The following RCL1 variants were observed in gnomAD, a reference collection of about 807,000 sequenced individuals.
RCL1 encodes the protein RNA terminal phosphate cyclase like 1.
RCL1 carries 24 observed loss-of-function variants against 42.4 expected under a neutral mutation model. The observed-to-expected ratio is 0.57, with a 90% CI of 0.41 to 0.80. RCL1 has a LOEUF of 0.80. RCL1 is among the 30% of genes least tolerant of loss of function. The pLI is 0.00. For synonymous variants in RCL1, 228 were observed against 177.3 expected (o/e 1.29, Z -2.27); for missense variants, 578 against 467.9 (o/e 1.24, Z -2.17).
intron 1 of RCL1, among the ~76,000 whole-genome samples, chr9:4,818,472 C>G (rs905452980): frequency 6.6e-6 from 1 of 152,026 alleles, no homozygotes; most frequent in South Asian, 2.1e-4. Flanking sequence ...TTAATTTATT[C>G]CAAGAATTGA....
intron 1 of RCL1, among the ~76,000 whole-genome samples, chr9:4,794,416 A>G (rs1374583395): frequency 1.3e-5 from 2 of 152,172 alleles, no homozygotes; most frequent in African/African-American, 4.8e-5. Flanking sequence ...CTGCTCAAAA[A>G]CACTGAGAAA....
chr9:4,793,270 A>AG (rs1842860151), intron 1 of RCL1, 43 bp downstream of exon 1: 6 of 1,545,154 alleles, frequency 3.9e-6, no homozygotes, highest in Non-Finnish European at 5.2e-6. Context: ...GCGGGGGCTG[A>AG]GGGGAGACCG....
At chr9:4,822,786 A>C (rs193020981) in intron 1 of RCL1, among the ~76,000 whole-genome samples, 1 of 152,138 alleles carries the variant, frequency 6.6e-6, no homozygotes, top group Admixed American at 6.5e-5. Flanking sequence ...ACGCCACTAT[A>C]CTCCAGTTTG....
intron 2 of RCL1, among the ~76,000 whole-genome samples, chr9:4,826,149 G>A (rs1816756151): frequency 6.6e-6 from 1 of 152,116 alleles, no homozygotes; most frequent in Non-Finnish European, 1.5e-5. Flanking sequence ...TCTGGAGGCT[G>A]AGATGGGAGG....
intron 6 of RCL1, among the ~76,000 whole-genome samples, chr9:4,842,398 C>G (rs1387219345): frequency 6.6e-6 from 1 of 152,028 alleles, no homozygotes; most frequent in Non-Finnish European, 1.5e-5. Context: ...TTATAAGGCC[C>G]AATGGAAAGA....
rs1245324599 is a variant in RCL1, at chr9:4,860,181, C to T, written c.1028C>T (p.Thr343Ile). ...SFFQIMFKIE[T>I]KPCGEELKGG... The stretch of plus-strand genomic sequence containing the variant: ...TTCCAGATTATGTTTAAAATTGAAA[C>T]CAAGCCATGTGGTGAAGAACTCAAG... Residue 343 changes from threonine (T) to isoleucine (I), a missense_variant, in exon 9 of 9, where the codon ACC becomes ATC. Physicochemically the swap from Thr to Ile is moderately conservative, Grantham distance 89 (BLOSUM62 -1). Transcript: ENST00000381750. The T allele has an allele frequency of 2.5e-6, 4 of 1,609,552 alleles. No individual in the cohort carries two copies. Among genetic ancestry groups the T allele is most frequent in the African/African-American group, 1.3e-5 (1 of 74,676 alleles).
chr9:4,806,118 G>GC (rs1554636286), intron 1 of RCL1, among the ~76,000 whole-genome samples: 4 of 148,342 alleles, frequency 2.7e-5, no homozygotes, highest in Non-Finnish European at 6.0e-5. Flanking sequence ...TATTTAGGAG[G>GC]TTTTTTTTTC....
intron 4 of RCL1, among the ~76,000 whole-genome samples, chr9:4,833,575 T>A (rs961380798): frequency 6.6e-6 from 1 of 152,216 alleles, no homozygotes; most frequent in Non-Finnish European, 1.5e-5. Flanking sequence ...CTGATCTAAA[T>A]GATCTGGATA....
chr9:4,825,970 C>A (rs1816746520), intron 2 of RCL1, among the ~76,000 whole-genome samples: 1 of 151,776 alleles, frequency 6.6e-6, no homozygotes, highest in Non-Finnish European at 1.5e-5. Context: ...TAGCATGTGC[C>A]TAGGGTCTCA....
chr9:4,833,715 C>T (rs1199694678), intron 4 of RCL1, among the ~76,000 whole-genome samples: 1 of 152,204 alleles, frequency 6.6e-6, no homozygotes, highest in Non-Finnish European at 1.5e-5. Context: ...AACCGTTTAG[C>T]ATCTCTGCCT....
chr9:4,806,219 C>T (rs371690787), intron 1 of RCL1, among the ~76,000 whole-genome samples: 10 of 151,688 alleles, frequency 6.6e-5, no homozygotes, highest in East Asian at 1.9e-4. Context: ...TTGATATGTA[C>T]GCCTTTTATT....
intron 1 of RCL1, among the ~76,000 whole-genome samples, chr9:4,809,746 CT>C (rs1227672872): frequency 5.3e-5 from 8 of 152,162 alleles, no homozygotes; most frequent in Non-Finnish European, 8.8e-5. Context: ...TCTTCTTTTA[CT>C]TTTTTTCTTG....
intron 3 of RCL1, among the ~76,000 whole-genome samples, chr9:4,830,300 T>C (rs1310045589): frequency 2.0e-5 from 3 of 152,188 alleles, no homozygotes; most frequent in Non-Finnish European, 4.4e-5. Flanking sequence ...GTTGGGATTT[T>C]TTTTAGACTA....
intron 1 of RCL1, 79 bp from the exon 2 acceptor site, chr9:4,823,469 G>C: frequency 9.1e-7 from 1 of 1,093,506 alleles, no homozygotes. Context: ...ACCTGAATCA[G>C]GCATGTGCTC....
At chr9:4,814,328 C>T (rs572400004) in intron 1 of RCL1, among the ~76,000 whole-genome samples, 9 of 152,020 alleles carry the variant, frequency 5.9e-5, no homozygotes, top group Admixed American at 1.3e-4. Flanking sequence ...TTGTTGCCCA[C>T]GCTGAAGTGC....
chr9:4,829,309 A>G lies in RCL1; in HGVS notation c.384+2276A>G, dbSNP rs577149776. ...TGGGCATTATGGAGATGGAAGGAGAACGGAAGGGGCAGATAGGACAACTAA... is the reference window on the plus strand; with the variant it reads ...TGGGCATTATGGAGATGGAAGGAGAGCGGAAGGGGCAGATAGGACAACTAA... On this transcript the variant is annotated intron_variant, in intron 3 of 8. Coordinates refer to ENST00000381750, the MANE Select transcript of RCL1 (RefSeq NM_005772.5). Among the ~76,000 whole-genome samples, 9 of 152,244 alleles carry G rather than the reference A, an allele frequency of 5.9e-5. No homozygotes were observed. The East Asian group carries it at 1.5e-3, about 26-fold the overall frequency.
At chr9:4,833,373 C>T in intron 4 of RCL1, 145 bp downstream of exon 4, 1 of 662,248 alleles carries the variant, frequency 1.5e-6, no homozygotes, top group Non-Finnish European at 2.8e-6. Context: ...ATGAAATAAA[C>T]ACTACAGACT....
chr9:4,860,069 A>G (rs1818111837), intron 8 of RCL1, 56 bp from the exon 9 acceptor site: 2 of 1,292,538 alleles, frequency 1.5e-6, no homozygotes, highest in Admixed American at 5.4e-5. Context: ...GGTAGAGGAT[A>G]ATTTTTTTTT....
chr9:4,800,535 G>C (rs977352038), intron 1 of RCL1, among the ~76,000 whole-genome samples: 1 of 151,752 alleles, frequency 6.6e-6, no homozygotes, highest in Non-Finnish European at 1.5e-5. Context: ...ATTTTTTTAT[G>C]TGAACATAGT....
Sources: allele counts gnomAD v4.1 joint callset (sites outside exome capture counted in the v4.1 genomes callset), GRCh38; gene constraint gnomAD v4.1.1; transcripts MANE v1.5; gene names NCBI Gene and HGNC (gene_info 2026-07-23, HGNC 2026-07-21).